C8orf89: variants seen among roughly 807,000 people sequenced by gnomAD.
C8orf89 encodes putative uncharacterized protein C8orf89.
C8orf89 carries 14 observed loss-of-function variants against 15.8 expected under a neutral mutation model. The observed-to-expected ratio is 0.89, with a 90% CI of 0.59 to 1.39. C8orf89 has a LOEUF of 1.39. Ranked by LOEUF, C8orf89 falls within the 40% of genes most tolerant of loss-of-function variation. The pLI is 0.00. For missense variants in C8orf89, 181 were observed against 184.5 expected, an observed-to-expected ratio of 0.98 and a Z score of 0.11; for synonymous variants, 55 against 62.2, an observed-to-expected ratio of 0.88 and a Z score of 0.54.
the C8orf89 span, among the ~76,000 whole-genome samples, chr8:73,280,036 C>T: frequency 1.3e-5 from 2 of 152,194 alleles, no homozygotes; most frequent in African/African-American, 2.4e-5. Context: ...TCCTGACCCA[C>T]AGAATCCATG....
the C8orf89 span, among the ~76,000 whole-genome samples, chr8:73,267,650 TTATGAC>T: frequency 4.6e-5 from 7 of 152,204 alleles, no homozygotes; most frequent in Non-Finnish European, 8.8e-5. Flanking sequence ...AGCTTGGCAA[TTATGAC>T]GATTAATGTT....
the C8orf89 span, among the ~76,000 whole-genome samples, chr8:73,279,052 A>G: frequency 6.6e-6 from 1 of 151,984 alleles, no homozygotes; most frequent in African/African-American, 2.4e-5. Flanking sequence ...GCTCTTCTTC[A>G]TATGGTCTTG....
At chr8:73,283,901 A>T in the C8orf89 span, among the ~76,000 whole-genome samples, 7 of 151,972 alleles carry the variant, frequency 4.6e-5, no homozygotes, top group East Asian at 1.4e-3. Context: ...AAATTACTCG[A>T]GCATGGTGGC....
chr8:73,252,431 C>T (rs1297172808), intron 2 of C8orf89, among the ~76,000 whole-genome samples: 1 of 151,940 alleles, frequency 6.6e-6, no homozygotes, highest in Non-Finnish European at 1.5e-5. Flanking sequence ...AAAATGATAT[C>T]CATGAAAAAG....
the C8orf89 span, among the ~76,000 whole-genome samples, chr8:73,272,561 C>T: frequency 7.2e-5 from 11 of 151,956 alleles, no homozygotes; most frequent in Non-Finnish European, 1.5e-4. Context: ...CCCATTAACT[C>T]GTCATTTACA....
intron 3 of C8orf89, among the ~76,000 whole-genome samples, chr8:73,244,732 G>T (rs1233983156): frequency 6.6e-6 from 1 of 152,140 alleles, no homozygotes; most frequent in African/African-American, 2.4e-5. Context: ...TCTGTTCTTA[G>T]CAGTACAATG....
Position 73,241,500 on chromosome 8 carries a change from G to T in C8orf89, c.443C>A (p.Thr148Lys), listed in dbSNP as rs1281330770. The T allele has an allele frequency of 1.3e-6, 2 of 1,528,476 alleles. No individual in the cohort carries two copies. The highest frequency in any genetic ancestry group is 2.0e-5 in the Admixed American group (1 of 50,322). The allele number at this position is 1,528,476 out of a possible 1,614,324, so 94.7% of individuals were successfully genotyped here. ...EYDTIRQETT[T>K]KSKKSKKRDL... ...TCGTTTCTTGCTTTTTTTTGATTTT[G>T]TGGTTGTTTCCTGACGAATGGTATC... is the stretch of plus-strand genomic sequence containing the variant. Residue 148 changes from threonine (T) to lysine (K), a missense_variant, in exon 4 of 4, where the codon ACA becomes AAA. Physicochemically the swap from Thr to Lys is moderately conservative, Grantham distance 78. Coordinates refer to ENST00000624510, the MANE Select transcript of C8orf89 (RefSeq NM_001243237.3).
chr8:73,280,880 A>C, the C8orf89 span, among the ~76,000 whole-genome samples: 7 of 152,010 alleles, frequency 4.6e-5, no homozygotes, highest in Admixed American at 4.6e-4. Context: ...TACAGTCAAT[A>C]AAAAATTCAT....
At chr8:73,250,472 T>G (rs1445451833) in intron 2 of C8orf89, 149 bp from the exon 3 acceptor site, 1 of 571,592 alleles carries the variant, frequency 1.7e-6, no homozygotes, top group Non-Finnish European at 3.0e-6. Context: ...GAAGCAGATA[T>G]GAGCCAGCCC....
chr8:73,277,409 C>G, the C8orf89 span: 1 of 1,196,220 alleles, frequency 8.4e-7, no homozygotes, highest in Non-Finnish European at 1.2e-6. Flanking sequence ...TTAGCAGCCT[C>G]CAGAACCAGA....
At chr8:73,270,811 A>C in the C8orf89 span, among the ~76,000 whole-genome samples, 2 of 152,306 alleles carry the variant, frequency 1.3e-5, no homozygotes, top group South Asian at 2.1e-4. Flanking sequence ...AAAAATTAGG[A>C]AAAACACTTG....
chr8:73,262,306 C>G (rs1813544371), upstream of C8orf89, among the ~76,000 whole-genome samples: 2 of 152,208 alleles, frequency 1.3e-5, no homozygotes, highest in South Asian at 4.2e-4. Flanking sequence ...TGCCTCACAC[C>G]CTCCAGCGGA....
At chr8:73,285,844 T>G in the C8orf89 span, among the ~76,000 whole-genome samples, 2 of 152,138 alleles carry the variant, frequency 1.3e-5, no homozygotes, top group Non-Finnish European at 2.9e-5. Context: ...GCTCCCACAT[T>G]CACCACTCCT....
the C8orf89 span, among the ~76,000 whole-genome samples, chr8:73,265,655 C>G: frequency 0.013 from 1,949 of 152,284 alleles, 31 homozygotes; most frequent in African/African-American, 0.044. Context: ...CTCTCCCATG[C>G]CATTCTTCAA....
the C8orf89 span, among the ~76,000 whole-genome samples, chr8:73,270,877 A>G: frequency 3.3e-5 from 5 of 152,370 alleles, 1 homozygote; most frequent in South Asian, 1.0e-3. Context: ...AAAGCAATTA[A>G]TTTGCTTATT....
At chr8:73,254,247 A>G (rs1431524683) in intron 2 of C8orf89, among the ~76,000 whole-genome samples, 2 of 151,890 alleles carry the variant, frequency 1.3e-5, no homozygotes, top group South Asian at 2.1e-4. Context: ...ATTGATTTGC[A>G]TATATTGAAC....
At chr8:73,247,822 T>C (rs548125241) in intron 3 of C8orf89, among the ~76,000 whole-genome samples, 99 of 152,334 alleles carry the variant, frequency 6.5e-4, no homozygotes, top group African/African-American at 2.3e-3. Flanking sequence ...TTAAATTCCT[T>C]ATAGATGCTG....
upstream of C8orf89, chr8:73,259,601 G>T: frequency 2.1e-6 from 1 of 484,824 alleles, no homozygotes; most frequent in Non-Finnish European, 3.3e-6. Context: ...ACATTTTAAT[G>T]AATTCTTTCA....
At chr8:73,258,208 G>A (rs1158457417) in intron 1 of C8orf89, among the ~76,000 whole-genome samples, 9 of 152,106 alleles carry the variant, frequency 5.9e-5, no homozygotes, top group South Asian at 2.1e-4. Context: ...TCAGGAGATC[G>A]AGACCATCCT....
Sources: gnomAD v4.1 joint callset for allele counts (sites outside exome capture counted in the v4.1 genomes callset) on GRCh38, gnomAD v4.1.1 for gene constraint, MANE v1.5 for transcripts, NCBI Gene and HGNC (gene_info 2026-07-23, HGNC 2026-07-21) for gene names.